The following SYNPR variants were observed in gnomAD, a reference collection of about 807,000 sequenced individuals.
SYNPR encodes synaptoporin.
A neutral mutation model predicts 32.9 loss-of-function variants in SYNPR; 23 were observed. The observed-to-expected ratio is 0.70, with a 90% CI of 0.50 to 0.99. The LOEUF (loss-of-function observed/expected upper bound fraction) is 0.99. SYNPR is among the 50% of genes least tolerant of loss of function. The probability of loss-of-function intolerance (pLI) is 0.00; values close to 1 mark genes in which losing one functional copy is unlikely to be tolerated. For missense variants in SYNPR, 318 were observed against 349.3 expected (o/e 0.91, Z 0.71); for synonymous variants, 146 against 135.9 (o/e 1.07, Z -0.52).
At chr3:63,388,556 T>TTTTGTGTG (rs1338505690) in intron 2 of SYNPR, among the ~76,000 whole-genome samples, 2 of 128,018 alleles carry the variant, frequency 1.6e-5, no homozygotes, top group African/African-American at 3.0e-5. Context: ...CCCGGCTAAT[T>TTTTGTGTG]TGTGTGTGTG....
At chr3:63,415,682 T>C (rs1278620192) in intron 2 of SYNPR, among the ~76,000 whole-genome samples, 2 of 152,352 alleles carry the variant, frequency 1.3e-5, no homozygotes, top group South Asian at 4.1e-4. Context: ...CCACAGGCCA[T>C]AGTTCTCCAA....
chr3:63,278,381 G>T lies in SYNPR; in HGVS notation c.-153G>T. On this transcript the variant is annotated 5_prime_UTR_variant, in exon 1 of 6. Transcript: ENST00000478300. The stretch of plus-strand genomic sequence containing the variant: ...CGCAGAGCCCAGCGTTAGCGGGTGG[G>T]CTCCCCGAGGCCCCCTGCCCTCGCC... 1.0e-6 allele frequency: 1 copy of T among 968,638 alleles called. No individual in the cohort carries two copies. Among genetic ancestry groups the T allele is most frequent in the Non-Finnish European group, 1.5e-6 (1 of 667,092 alleles). 60.0% of individuals were successfully genotyped at this position (968,638 alleles called of 1,614,324 possible).
In SYNPR at chr3:63,562,703, C is replaced by T. The variant is rs189157302; in HGVS notation, c.408+5962C>T. On this transcript the variant is annotated intron_variant, in intron 4 of 5. Coordinates refer to ENST00000478300, the MANE Select transcript of SYNPR (RefSeq NM_001130003.2). Reference sequence around the variant, plus strand: ...TTCAATTTAATTCCTCTTTAGTGAGCGCTAGACATTGGAAAATAAGTCCAG... The same window carrying T: ...TTCAATTTAATTCCTCTTTAGTGAGTGCTAGACATTGGAAAATAAGTCCAG... 1.2e-3 allele frequency among the ~76,000 whole-genome samples: 185 copies of T among 152,276 alleles called. 1 individual carries two copies. The highest frequency in any genetic ancestry group is 4.2e-3 in the African/African-American group (173 of 41,556).
chr3:63,328,275 C>A (rs950999379), intron 2 of SYNPR, among the ~76,000 whole-genome samples: 1 of 152,166 alleles, frequency 6.6e-6, no homozygotes, highest in South Asian at 2.1e-4. Flanking sequence ...GTTGCAAAAG[C>A]TCAGAGCCTC....
chr3:63,520,672 C>CA (rs5849560), intron 3 of SYNPR, among the ~76,000 whole-genome samples: 16,460 of 142,492 alleles, frequency 0.12, 1,133 homozygotes, highest in Middle Eastern at 0.23. Context: ...GACTCCATCT[C>CA]AAAAAAAAAA....
chr3:63,326,441 G>A lies in SYNPR; in HGVS notation c.84+47699G>A, dbSNP rs534991761. Among the ~76,000 whole-genome samples the A allele has an allele frequency of 4.6e-5, 7 of 152,244 alleles. No homozygotes were observed. In the East Asian group the frequency reaches 1.4e-3, roughly 30 times the overall value. ...CTACTTTATTCTTCCATCACCAGCTGTTAGGGACAATAATGAAGCCATGTC... is the reference window on the plus strand; with the variant it reads ...CTACTTTATTCTTCCATCACCAGCTATTAGGGACAATAATGAAGCCATGTC... On this transcript the variant is annotated intron_variant, in intron 2 of 5. Transcript: ENST00000478300.
intron 2 of SYNPR, among the ~76,000 whole-genome samples, chr3:63,369,221 C>A (rs567575537): frequency 5.9e-5 from 9 of 152,270 alleles, no homozygotes; most frequent in Middle Eastern, 3.4e-3. Context: ...TGGCTGTCTG[C>A]AAGCTAAGGA....
At chr3:63,316,703 C>T (rs1374478645) in intron 2 of SYNPR, among the ~76,000 whole-genome samples, 3 of 151,604 alleles carry the variant, frequency 2.0e-5, no homozygotes, top group African/African-American at 7.3e-5. Flanking sequence ...TTTCATTTAT[C>T]TTTTGTATTT....
At chr3:63,391,007 A>G (rs2088126806) in intron 2 of SYNPR, among the ~76,000 whole-genome samples, 1 of 152,226 alleles carries the variant, frequency 6.6e-6, no homozygotes. Context: ...TAAGTCCTCA[A>G]TATTTGTTGA....
At chr3:63,249,795 T>C (rs1429666025) in intron 1 of SYNPR, among the ~76,000 whole-genome samples, 1 of 152,180 alleles carries the variant, frequency 6.6e-6, no homozygotes, top group Non-Finnish European at 1.5e-5. Flanking sequence ...TTCTGTAATG[T>C]CAGCTTTTTT....
At chr3:63,567,690 T>C (rs904509578) in intron 4 of SYNPR, among the ~76,000 whole-genome samples, 38 of 152,166 alleles carry the variant, frequency 2.5e-4, no homozygotes, top group African/African-American at 8.7e-4. Context: ...AAGTTACAGA[T>C]GCATGCAAAG....
At chr3:63,547,509 T>A (rs1026965477) in intron 3 of SYNPR, among the ~76,000 whole-genome samples, 2 of 152,122 alleles carry the variant, frequency 1.3e-5, no homozygotes, top group Non-Finnish European at 2.9e-5. Context: ...TAAAGGAGAA[T>A]CTTATTCCAA....
intron 2 of SYNPR, among the ~76,000 whole-genome samples, chr3:63,303,182 T>TA (rs34152136): frequency 0.01 from 1,433 of 142,890 alleles, 24 homozygotes; most frequent in African/African-American, 0.03. Flanking sequence ...GAACTCAGGG[T>TA]AAAAAAAAAA....
intron 4 of SYNPR, among the ~76,000 whole-genome samples, chr3:63,595,939 ATATATATAGTTTTATATATATAGTTT>A (rs1559546721): frequency 3.1e-5 from 4 of 128,400 alleles, no homozygotes; most frequent in African/African-American, 5.7e-5. Flanking sequence ...ATATAGTTTT[ATATATATAGTTTTATATATATAGTTT>A]TATATATAGT....
chr3:63,312,816 A>G (rs2086981853), intron 2 of SYNPR, among the ~76,000 whole-genome samples: 1 of 151,928 alleles, frequency 6.6e-6, no homozygotes, highest in Admixed American at 6.6e-5. Flanking sequence ...TAAACAGCCC[A>G]ACCTCTCTCC....
intron 2 of SYNPR, among the ~76,000 whole-genome samples, chr3:63,265,108 G>T (rs964809631): frequency 2.0e-5 from 3 of 152,088 alleles, no homozygotes; most frequent in African/African-American, 7.2e-5. Flanking sequence ...TAGCGTGCAG[G>T]CACATTACTG....
At chr3:63,548,865 C>T (rs1023024414) in intron 3 of SYNPR, among the ~76,000 whole-genome samples, 6 of 152,156 alleles carry the variant, frequency 3.9e-5, no homozygotes, top group Admixed American at 1.3e-4. Context: ...CACTGAACCA[C>T]CGCCAAATGT....
chr3:63,211,721 T>TA, the SYNPR span, among the ~76,000 whole-genome samples: 7 of 141,342 alleles, frequency 5.0e-5, no homozygotes, highest in Non-Finnish European at 1.1e-4. Context: ...TTTTTTTTTT[T>TA]ATTATACTTT....
intron 2 of SYNPR, among the ~76,000 whole-genome samples, chr3:63,318,920 G>T (rs879851412): frequency 2.6e-5 from 4 of 152,020 alleles, no homozygotes; most frequent in Non-Finnish European, 5.9e-5. Flanking sequence ...GCTGAAGGCT[G>T]TTGTTCAGAT....
Sources: gnomAD v4.1 joint callset for allele counts (sites outside exome capture counted in the v4.1 genomes callset) on GRCh38, gnomAD v4.1.1 for gene constraint, MANE v1.5 for transcripts, NCBI Gene and HGNC (gene_info 2026-07-23, HGNC 2026-07-21) for gene names.